C10orf90: variants seen among roughly 807,000 people sequenced by gnomAD.
The protein encoded by C10orf90 is (E2-independent) E3 ubiquitin-conjugating enzyme FATS.
A neutral mutation model predicts 62.5 loss-of-function variants in C10orf90; 56 were observed. The observed-to-expected ratio is 0.90, with a 90% CI of 0.72 to 1.12. The LOEUF is 1.12. C10orf90 is among the 50% of genes most tolerant of loss of function. The probability of loss-of-function intolerance (pLI) is 0.00; values close to 1 mark genes in which losing one functional copy is unlikely to be tolerated. For synonymous variants in C10orf90, 386 were observed against 340.4 expected (o/e 1.13, Z -1.47); for missense variants, 970 against 880.4 (o/e 1.10, Z -1.29).
chr10:126,451,729 A>G (rs1284261514), intron 7 of C10orf90, among the ~76,000 whole-genome samples: 1 of 152,118 alleles, frequency 6.6e-6, no homozygotes, highest in Non-Finnish European at 1.5e-5. Flanking sequence ...TACACATGCA[A>G]CGGAATACTA....
intron 2 of C10orf90, among the ~76,000 whole-genome samples, chr10:126,642,485 T>C (rs546444826): frequency 1.6e-3 from 236 of 152,042 alleles, no homozygotes; most frequent in African/African-American, 5.5e-3. Context: ...TAAGCCCAGA[T>C]CGCGCCACTG....
Position 126,504,565 on chromosome 10 carries a change from G to A in C10orf90, c.926C>T (p.Ala309Val), listed in dbSNP as rs765986676. 11 of 1,613,966 alleles carry A rather than the reference G, an allele frequency of 6.8e-6. No individual in the cohort carries two copies. Among genetic ancestry groups the A allele is most frequent in the Non-Finnish European group, 9.3e-6 (11 of 1,180,010 alleles). ...SSVVRLKVPE[A>V]HTGLCERRKY... ...GCGTCTCTCACACAACCCAGTGTGGGCCTCGGGAACCTTCAGCCGCACCAC... is the reference window on the plus strand; with the variant it reads ...GCGTCTCTCACACAACCCAGTGTGGACCTCGGGAACCTTCAGCCGCACCAC... Residue 309 changes from alanine to valine, a missense_variant, in exon 4 of 10, where the codon GCC becomes GTC. By Grantham distance (64) the Ala-to-Val change is moderately conservative. Transcript: ENST00000488181. The surrounding 1 kb of genome is among the most constrained non-coding windows in gnomAD (Gnocchi z 4.1).
chr10:126,544,549 T>C (rs988581609), intron 2 of C10orf90, among the ~76,000 whole-genome samples: 1 of 152,116 alleles, frequency 6.6e-6, no homozygotes, highest in Non-Finnish European at 1.5e-5. Flanking sequence ...GAGAGGTTTT[T>C]TTTTTTCCTT....
intron 2 of C10orf90, among the ~76,000 whole-genome samples, chr10:126,637,592 C>T (rs1438400350): frequency 1.3e-5 from 2 of 152,204 alleles, no homozygotes; most frequent in Non-Finnish European, 2.9e-5. Context: ...GTCATGACAT[C>T]GGGCTGGCTT....
At chr10:126,431,769 T>C (rs1857585887) in intron 7 of C10orf90, among the ~76,000 whole-genome samples, 1 of 152,230 alleles carries the variant, frequency 6.6e-6, no homozygotes, top group Non-Finnish European at 1.5e-5. Flanking sequence ...TGGTCTACTC[T>C]GGGAAGTTAG....
chr10:126,490,739 A>G (rs1861723504), intron 4 of C10orf90, among the ~76,000 whole-genome samples: 1 of 152,154 alleles, frequency 6.6e-6, no homozygotes, highest in Non-Finnish European at 1.5e-5. Flanking sequence ...GAGAATCTAT[A>G]TATCTCTATT....
intron 2 of C10orf90, among the ~76,000 whole-genome samples, chr10:126,605,919 T>C (rs1036293773): frequency 6.9e-6 from 1 of 144,040 alleles, no homozygotes; most frequent in Non-Finnish European, 1.5e-5. Context: ...ATACATTTGA[T>C]TGCAGCACTA....
At chr10:126,572,051 T>C (rs1313379263) in intron 2 of C10orf90, among the ~76,000 whole-genome samples, 1 of 152,118 alleles carries the variant, frequency 6.6e-6, no homozygotes, top group Non-Finnish European at 1.5e-5. Flanking sequence ...AGCAAGTCCA[T>C]CTTGGATAGG....
intron 2 of C10orf90, among the ~76,000 whole-genome samples, chr10:126,567,248 C>G (rs1469573372): frequency 6.6e-6 from 1 of 152,180 alleles, no homozygotes; most frequent in Non-Finnish European, 1.5e-5. Flanking sequence ...CCTCAGGAAA[C>G]TTTCCTTCAT....
At chr10:126,669,703 CTTT>C (rs67897578) in intron 1 of C10orf90, among the ~76,000 whole-genome samples, 13 of 145,440 alleles carry the variant, frequency 8.9e-5, no homozygotes, top group African/African-American at 5.0e-5. Context: ...CACTCTCTGT[CTTT>C]TTTTTTTTTT....
rs1319287020 is a variant in C10orf90 at position 126,512,410 on chromosome 10, GTC to G, written c.405+1436_405+1437del. 3.4e-4 allele frequency among the ~76,000 whole-genome samples: 43 copies of G among 125,474 alleles called. 1 individual carries two copies. Among genetic ancestry groups the G allele is most frequent in the African/African-American group, 2.0e-3 (42 of 20,776 alleles). The allele number at this position is 125,474 out of a possible 152,430, so 82.3% of individuals were successfully genotyped here. A position where few individuals can be genotyped will look rare whatever the true frequency, so the allele number is the denominator to read the frequency against. ...TCTGTGTGTGTGTGTGTGTCTGTGT[GTC>G]TGTGTGTGTGTGTGTGTGTTACAGG... On this transcript the variant is annotated intron_variant, in intron 3 of 9. Transcript: ENST00000488181.
At chr10:126,533,102 T>A (rs1312153340) in intron 2 of C10orf90, among the ~76,000 whole-genome samples, 1 of 151,020 alleles carries the variant, frequency 6.6e-6, no homozygotes, top group South Asian at 2.1e-4. Context: ...CCGGCTAATG[T>A]TTTTTGTATT....
intron 2 of C10orf90, among the ~76,000 whole-genome samples, chr10:126,531,842 A>G (rs944969287): frequency 2.6e-5 from 4 of 152,242 alleles, no homozygotes; most frequent in Admixed American, 6.5e-5. Context: ...TAAAAAGGGA[A>G]GCCACAGACT....
intron 2 of C10orf90, among the ~76,000 whole-genome samples, chr10:126,609,442 C>G (rs1420658513): frequency 2.0e-5 from 3 of 152,238 alleles, no homozygotes; most frequent in African/African-American, 7.2e-5. Context: ...TCATGCAACA[C>G]CTGGTCCCTA....
At chr10:126,434,998 T>C (rs932138543) in intron 7 of C10orf90, among the ~76,000 whole-genome samples, 2 of 152,220 alleles carry the variant, frequency 1.3e-5, no homozygotes, top group Non-Finnish European at 2.9e-5. Flanking sequence ...AGTGCTCTCA[T>C]GATAAAATCT....
At chr10:126,629,304 T>C (rs1335822153) in intron 2 of C10orf90, among the ~76,000 whole-genome samples, 1 of 152,196 alleles carries the variant, frequency 6.6e-6, no homozygotes, top group African/African-American at 2.4e-5. Context: ...GCCCAGCTTA[T>C]CCTAGCTAAT....
chr10:126,566,462 A>C (rs1844392177), intron 2 of C10orf90, among the ~76,000 whole-genome samples: 2 of 152,186 alleles, frequency 1.3e-5, no homozygotes, highest in South Asian at 2.1e-4. Flanking sequence ...TGAGTTCCAC[A>C]ATGGAAACAC....
At chr10:126,458,388 G>A (rs565584921) in intron 7 of C10orf90, among the ~76,000 whole-genome samples, 3 of 152,302 alleles carry the variant, frequency 2.0e-5, no homozygotes, top group Non-Finnish European at 4.4e-5. Flanking sequence ...GTGCTCTGAT[G>A]TCCCCCATCC....
intron 2 of C10orf90, among the ~76,000 whole-genome samples, chr10:126,576,537 A>G (rs1408120248): frequency 6.6e-6 from 1 of 151,662 alleles, no homozygotes; most frequent in Non-Finnish European, 1.5e-5. Context: ...TACAAATAGA[A>G]CTACTCTATG....
Sources: gnomAD v4.1 joint callset for allele counts (sites outside exome capture counted in the v4.1 genomes callset) on GRCh38, gnomAD v4.1.1 for gene constraint, Gnocchi (gnomAD v3.1) non-coding constraint, MANE v1.5 for transcripts, NCBI Gene and HGNC (gene_info 2026-07-23, HGNC 2026-07-21) for gene names.